SLC44A1: variants seen among roughly 807,000 people sequenced by gnomAD.
SLC44A1 encodes the protein choline transporter-like protein 1.
In SLC44A1, 26 loss-of-function variants were observed where a neutral mutation model predicts 79.3. The ratio of observed to expected loss-of-function variants is 0.33; its 90% CI spans 0.24 to 0.46. SLC44A1 has a LOEUF of 0.46. Ranked by LOEUF, SLC44A1 falls within the 20% of genes least tolerant of loss-of-function variation. The pLI is 1.00. For missense variants in SLC44A1, 688 were observed against 798.1 expected, an observed-to-expected ratio of 0.86 and a Z score of 1.66; for synonymous variants, 263 against 286.2, an observed-to-expected ratio of 0.92 and a Z score of 0.82.
chr9:105,273,220 G>A (rs561725783), intron 1 of SLC44A1, among the ~76,000 whole-genome samples: 50 of 152,050 alleles, frequency 3.3e-4, no homozygotes, highest in Non-Finnish European at 5.9e-4. Flanking sequence ...TCGAACTCCC[G>A]ACCTCGGGTG....
At chr9:105,408,198 A>G (rs1311187452) in intron 15 of SLC44A1, among the ~76,000 whole-genome samples, 1 of 152,150 alleles carries the variant, frequency 6.6e-6, no homozygotes, top group Non-Finnish European at 1.5e-5. Context: ...AGAAATCAAG[A>G]CATTCTCATA....
At chr9:105,342,594 C>G (rs1387226184) in intron 4 of SLC44A1, among the ~76,000 whole-genome samples, 1 of 152,138 alleles carries the variant, frequency 6.6e-6, no homozygotes, top group African/African-American at 2.4e-5. Context: ...GACAGTTCTT[C>G]TCCTTTCTCT....
chr9:105,366,326 T>A lies in SLC44A1; in HGVS notation c.1411-20T>A. The A allele has an allele frequency of 7.3e-7, 1 of 1,368,204 alleles. No homozygotes were observed. The highest frequency in any genetic ancestry group is 9.8e-7 in the Non-Finnish European group (1 of 1,022,312). 84.8% of individuals were successfully genotyped at this position (1,368,204 alleles called of 1,614,324 possible). On this transcript the variant is annotated intron_variant, in intron 11 of 15. Coordinates refer to ENST00000374720, the MANE Select transcript of SLC44A1 (RefSeq NM_080546.5). ...TTGATTCTTTGGTTTTTTTATTATT[T>A]CCATTTTTCCCCCATCCAGGAAAAT...
chr9:105,294,397 A>C (rs1830670662), intron 1 of SLC44A1, among the ~76,000 whole-genome samples: 1 of 151,992 alleles, frequency 6.6e-6, no homozygotes, highest in African/African-American at 2.4e-5. Context: ...TTGGTTTGAA[A>C]AGTGTTCATG....
Position 105,393,478 on chromosome 9 carries a change from A to G in SLC44A1, c.*4422A>G. On this transcript the variant is annotated 3_prime_UTR_variant, in exon 16 of 16. Transcript: ENST00000374720. The stretch of plus-strand genomic sequence containing the variant: ...CATTCAGATTTCATACATTTGAGCC[A>G]AATTCTTATACTCCATGTTTTAATT... 1.0e-6 allele frequency: 1 copy of G among 959,234 alleles called. No individual in the cohort carries two copies. Among genetic ancestry groups the G allele is most frequent in the Non-Finnish European group, 1.2e-6 (1 of 806,080 alleles). 59.4% of individuals were successfully genotyped at this position (959,234 alleles called of 1,614,324 possible).
chr9:105,245,237 C>G (rs1182488071), intron 1 of SLC44A1, among the ~76,000 whole-genome samples: 2 of 152,144 alleles, frequency 1.3e-5, no homozygotes, highest in Non-Finnish European at 2.9e-5. Context: ...GGCGCCTCCT[C>G]TGCCCCAGGT....
chr9:105,283,156 G>T (rs1178462601), intron 1 of SLC44A1, among the ~76,000 whole-genome samples: 1 of 152,148 alleles, frequency 6.6e-6, no homozygotes, highest in Non-Finnish European at 1.5e-5. Flanking sequence ...CCATGGTTCT[G>T]ATCTATTTCC....
chr9:105,335,877 G>C (rs1030739652), intron 4 of SLC44A1, among the ~76,000 whole-genome samples, 178 bp downstream of exon 4: 8 of 151,992 alleles, frequency 5.3e-5, no homozygotes, highest in African/African-American at 1.7e-4. Flanking sequence ...CAGATTCCTG[G>C]GCCCCTCCCT....
chr9:105,432,780 AAGAC>A (rs1356168410), intron 15 of SLC44A1, among the ~76,000 whole-genome samples: 1 of 152,212 alleles, frequency 6.6e-6, no homozygotes, highest in African/African-American at 2.4e-5. Flanking sequence ...CAAGCTCAGA[AAGAC>A]AGCCAGACTT....
intron 1 of SLC44A1, among the ~76,000 whole-genome samples, chr9:105,259,940 G>T (rs1415096371): frequency 5.9e-5 from 9 of 152,190 alleles, no homozygotes; most frequent in Non-Finnish European, 1.3e-4. Flanking sequence ...TTATCTTGAG[G>T]TTGCAACAAG....
chr9:105,348,093 C>T (rs1291479411), intron 4 of SLC44A1, among the ~76,000 whole-genome samples: 1 of 151,942 alleles, frequency 6.6e-6, no homozygotes, highest in African/African-American at 2.4e-5. Context: ...TTGCAGAGAA[C>T]CTGACACTCA....
chr9:105,348,730 A>C (rs1354734130), intron 5 of SLC44A1, among the ~76,000 whole-genome samples: 11 of 152,074 alleles, frequency 7.2e-5, no homozygotes, highest in Admixed American at 7.2e-4. Flanking sequence ...ATAATTTTTA[A>C]GTGCACAAAA....
intron 15 of SLC44A1, among the ~76,000 whole-genome samples, chr9:105,437,984 G>A (rs1490629331): frequency 3.3e-5 from 5 of 152,144 alleles, no homozygotes. Flanking sequence ...ATTTACCAAT[G>A]CATTTAATCC....
chr9:105,298,810 TA>T (rs1209189038), intron 1 of SLC44A1, among the ~76,000 whole-genome samples: 1 of 152,196 alleles, frequency 6.6e-6, no homozygotes, highest in Non-Finnish European at 1.5e-5. Flanking sequence ...TATTCATTTT[TA>T]AAAAGCCCTC....
chr9:105,369,143 A>T (rs1218973383), intron 12 of SLC44A1, among the ~76,000 whole-genome samples: 3 of 152,262 alleles, frequency 2.0e-5, no homozygotes, highest in African/African-American at 7.2e-5. Flanking sequence ...TAAAGCCTAC[A>T]GTATGGGTTT....
Position 105,261,966 on chromosome 9 carries a change from G to T in SLC44A1, c.36+17062G>T, listed in dbSNP as rs546175747. Among the ~76,000 whole-genome samples, 6 of 151,780 alleles carry T rather than the reference G, an allele frequency of 4.0e-5. No homozygotes were observed. In the South Asian group the frequency reaches 1.0e-3, roughly 26 times the overall value. On this transcript the variant is annotated intron_variant, in intron 1 of 15. Transcript: ENST00000374720. ...AGCTAATTTTATTTTTTTATTTTTAGTTGAGACGGGGTTTCACCATGTTGA... is the reference window on the plus strand; with the variant it reads ...AGCTAATTTTATTTTTTTATTTTTATTTGAGACGGGGTTTCACCATGTTGA...
At chr9:105,358,854 G>C (rs964308886) in intron 7 of SLC44A1, among the ~76,000 whole-genome samples, 1 of 151,914 alleles carries the variant, frequency 6.6e-6, no homozygotes, top group Non-Finnish European at 1.5e-5. Context: ...CCCTTGTTTT[G>C]ATGGTATACG....
At chr9:105,312,813 T>C (rs1287139855) in intron 3 of SLC44A1, among the ~76,000 whole-genome samples, 2 of 152,212 alleles carry the variant, frequency 1.3e-5, no homozygotes, top group African/African-American at 4.8e-5. Flanking sequence ...TGAAGACTGT[T>C]GTGCTAGCGT....
rs562347832 is a variant in SLC44A1 at position 105,361,026 on chromosome 9, T to A, written c.761-165T>A. On this transcript the variant is annotated intron_variant, in intron 7 of 15. Transcript: ENST00000374720. ...GATGATAATAGAGCAATGGACACTT[T>A]CTTTATGCTGGCAAAAAGTTATAGC... Among the ~76,000 whole-genome samples the A allele has an allele frequency of 1.7e-3, 252 of 152,366 alleles. 2 individuals are homozygous for A. The highest frequency in any genetic ancestry group is 5.9e-3 in the African/African-American group (244 of 41,582).
Sources: gnomAD v4.1 joint callset for allele counts (sites outside exome capture counted in the v4.1 genomes callset) on GRCh38, gnomAD v4.1.1 for gene constraint, MANE v1.5 for transcripts, NCBI Gene and HGNC (gene_info 2026-07-23, HGNC 2026-07-21) for gene names.